Variants in SEMA6D observed in about 807,000 individuals in gnomAD.
SEMA6D encodes the protein semaphorin-6D.
A neutral mutation model predicts 106.6 loss-of-function variants in SEMA6D; 35 were observed. The observed-to-expected ratio is 0.33, with a 90% CI of 0.25 to 0.44. SEMA6D has a LOEUF of 0.44. SEMA6D is among the 20% of genes least tolerant of loss of function. SEMA6D has a pLI of 1.00. For missense variants in SEMA6D, 1,185 were observed against 1,345.9 expected (o/e 0.88, Z 1.87); for synonymous variants, 499 against 487.7 (o/e 1.02, Z -0.31).
chr15:47,354,292 T>TGA (rs564387811), intron 1 of SEMA6D, among the ~76,000 whole-genome samples: 4 of 114,774 alleles, frequency 3.5e-5, no homozygotes, highest in African/African-American at 1.9e-4. Context: ...ATATATGGAA[T>TGA]GAGAGAGAGC....
At chr15:47,747,714 G>A (rs962182975) in intron 1 of SEMA6D, among the ~76,000 whole-genome samples, 4 of 152,048 alleles carry the variant, frequency 2.6e-5, no homozygotes, top group Non-Finnish European at 5.9e-5. Flanking sequence ...TCAGAATCCA[G>A]CATGTTCTGA....
intron 1 of SEMA6D, among the ~76,000 whole-genome samples, chr15:47,285,884 T>A (rs2035338417): frequency 6.6e-6 from 1 of 152,232 alleles, no homozygotes; most frequent in Non-Finnish European, 1.5e-5. Flanking sequence ...TAACAAACAT[T>A]ACTTTTACTA....
At chr15:47,692,511 C>T (rs2078610384) in intron 4 of SEMA6D, among the ~76,000 whole-genome samples, 1 of 152,090 alleles carries the variant, frequency 6.6e-6, no homozygotes, top group African/African-American at 2.4e-5. Context: ...ACATAGAATC[C>T]CTTCAGCCCA....
At chr15:47,407,419 A>C (rs1008658326) in intron 1 of SEMA6D, among the ~76,000 whole-genome samples, 1 of 149,088 alleles carries the variant, frequency 6.7e-6, no homozygotes, top group Non-Finnish European at 1.5e-5. Flanking sequence ...CAAAAAAAAC[A>C]AAAAAAACAA....
chr15:47,478,634 A>G (rs1051966121), intron 3 of SEMA6D, among the ~76,000 whole-genome samples: 2 of 152,166 alleles, frequency 1.3e-5, no homozygotes, highest in Non-Finnish European at 2.9e-5. Context: ...GGAACCAAAA[A>G]CAGCCTTCAG....
At position 47,311,086 on chromosome 15, in the gene SEMA6D, A is replaced by C. The variant is rs375032123; in HGVS notation, c.-238-101307A>C. On this transcript the variant is annotated intron_variant, in intron 1 of 19. Transcript: ENST00000558014. ...ATCATTAAAGCCTCATTGTCCTCCT[A>C]CTGCCTGTTCAAGATATTTTATCAA... 1.6e-3 allele frequency among the ~76,000 whole-genome samples: 240 copies of C among 152,310 alleles called. 9 individuals carry two copies. The South Asian group carries it at 0.047, about 30-fold the overall frequency.
intron 1 of SEMA6D, among the ~76,000 whole-genome samples, chr15:47,277,665 G>C (rs147195213): frequency 0.017 from 2,624 of 150,214 alleles, 88 homozygotes; most frequent in African/African-American, 0.062. Flanking sequence ...ACAATGTACA[G>C]GTTAGTTACA....
In SEMA6D at chr15:47,246,632, T is replaced by C. The variant is rs1595534578; in HGVS notation, c.-239+62214T>C. On this transcript the variant is annotated intron_variant, in intron 1 of 19. Coordinates refer to the SEMA6D transcript ENST00000558014. ...CAATAGAGTTGAGTCCTCTGACCCT[T>C]CTCCCATCATTGCGTCTCTTTCTCT... Among the ~76,000 whole-genome samples the C allele has an allele frequency of 2.0e-5, 3 of 152,182 alleles. No homozygotes were observed. In the South Asian group the frequency reaches 6.2e-4, roughly 31 times the overall value.
At chr15:47,687,997 G>A (rs1435784735) in intron 4 of SEMA6D, among the ~76,000 whole-genome samples, 1 of 152,118 alleles carries the variant, frequency 6.6e-6, no homozygotes, top group Non-Finnish European at 1.5e-5. Context: ...CCAAGATACA[G>A]TTGAACATAA....
chr15:47,484,330 A>G (rs772677927), intron 3 of SEMA6D, among the ~76,000 whole-genome samples: 1 of 152,060 alleles, frequency 6.6e-6, no homozygotes, highest in Non-Finnish European at 1.5e-5. Context: ...CCTGTGTTGC[A>G]CCATTAAATA....
intron 1 of SEMA6D, among the ~76,000 whole-genome samples, chr15:47,382,060 T>A (rs1334120454): frequency 6.6e-6 from 1 of 152,070 alleles, no homozygotes; most frequent in African/African-American, 2.4e-5. Flanking sequence ...TTTGATGAAA[T>A]AAATAAAGAT....
At chr15:47,768,494 A>T in intron 17 of SEMA6D, 87 bp from the exon 18 acceptor site, 1 of 1,140,100 alleles carries the variant, frequency 8.8e-7, no homozygotes, top group Non-Finnish European at 1.2e-6. Flanking sequence ...CATAAAATTT[A>T]CTCAAACTTT....
intron 2 of SEMA6D, among the ~76,000 whole-genome samples, chr15:47,435,137 A>C (rs528234310): frequency 6.6e-6 from 1 of 152,240 alleles, no homozygotes; most frequent in South Asian, 2.1e-4. Context: ...TTCTTCATAG[A>C]TTTTGCAGTT....
In SEMA6D at chr15:47,345,905, G is replaced by T. The variant is rs1010374548; in HGVS notation, c.-238-66488G>T. Among the ~76,000 whole-genome samples the T allele has an allele frequency of 2.6e-5, 4 of 152,130 alleles. No homozygotes were observed. In the South Asian group the frequency reaches 8.3e-4, roughly 32 times the overall value. Reference sequence around the variant, plus strand: ...TGTTCTCATCTCGATTATGGTGATGGTTTCATAGGTGTATACACATATGCC... The same window carrying T: ...TGTTCTCATCTCGATTATGGTGATGTTTTCATAGGTGTATACACATATGCC... On this transcript the variant is annotated intron_variant, in intron 1 of 19. Coordinates refer to the SEMA6D transcript ENST00000558014.
chr15:47,667,863 T>C (rs1596576724), intron 4 of SEMA6D, among the ~76,000 whole-genome samples: 2 of 152,322 alleles, frequency 1.3e-5, no homozygotes, highest in Middle Eastern at 3.4e-3. Context: ...AGAACCCAGA[T>C]AGCTTCGTAA....
At chr15:47,268,323 C>T (rs1432485237) in intron 1 of SEMA6D, among the ~76,000 whole-genome samples, 1 of 152,122 alleles carries the variant, frequency 6.6e-6, no homozygotes, top group Non-Finnish European at 1.5e-5. Flanking sequence ...ATGTAAATCA[C>T]TTCTTTTTGT....
rs138853699 is a variant in SEMA6D at position 47,771,537 on chromosome 15, C to G, written c.2974C>G (p.Gln992Glu). The change falls in exon 19 of 19, where the codon CAG (glutamine) becomes GAG (glutamate). Residue 992 changes from glutamine to glutamate, a missense_variant. Around this residue, in one of 3 missense-constraint regions of SEMA6D, gnomAD observed 750 missense variants for 783.5 expected, o/e 0.96. Transcript: ENST00000536845. ...NSPNGVLLSR[Q>E]PSMNRGGYMP... ...ACCAAATGGTGTTTTGTTATCCAGA[C>G]AGCCTAGTATGAACCGTGGAGGATA... is the stretch of plus-strand genomic sequence containing the variant. The G allele has an allele frequency of 2.7e-3, 4,381 of 1,614,108 alleles. 10 individuals carry two copies. Among genetic ancestry groups the G allele is most frequent in the Non-Finnish European group, 3.5e-3 (4,072 of 1,179,986 alleles).
chr15:47,448,364 G>C (rs998224668), intron 2 of SEMA6D, among the ~76,000 whole-genome samples: 4 of 112,980 alleles, frequency 3.5e-5, no homozygotes, highest in South Asian at 3.1e-4. Flanking sequence ...AATAGAAATT[G>C]TCTTGTGAGG....
At chr15:47,377,594 G>T (rs1447623874) in intron 1 of SEMA6D, among the ~76,000 whole-genome samples, 1 of 152,210 alleles carries the variant, frequency 6.6e-6, no homozygotes, top group Non-Finnish European at 1.5e-5. Context: ...CTCAGTAAGT[G>T]GGAGGATTAG....
Sources: gnomAD v4.1 joint callset for allele counts (sites outside exome capture counted in the v4.1 genomes callset) on GRCh38, gnomAD v4.1.1 for gene constraint, gnomAD v4.1.1 regional missense constraint, MANE v1.5 for transcripts, NCBI Gene and HGNC (gene_info 2026-07-23, HGNC 2026-07-21) for gene names.